The following TNS3 variants were observed in gnomAD, a reference collection of about 807,000 sequenced individuals.
TNS3 encodes the protein tensin 3, also known as tensin-3.
A neutral mutation model predicts 140.9 loss-of-function variants in TNS3; 45 were observed. That is an observed-to-expected ratio of 0.32 (90% CI 0.25 to 0.41). The LOEUF is 0.41. Ranked by LOEUF, TNS3 falls within the 10% of genes least tolerant of loss-of-function variation. TNS3 has a pLI of 1.00. For synonymous variants in TNS3, 815 were observed against 788.4 expected (o/e 1.03, Z -0.56); for missense variants, 1,716 against 1,906.7 (o/e 0.90, Z 1.86).
At chr7:47,528,071 C>T (rs908548229) in intron 2 of TNS3, among the ~76,000 whole-genome samples, 7 of 152,146 alleles carry the variant, frequency 4.6e-5, no homozygotes, top group Admixed American at 2.0e-4. Context: ...GTACCCACCA[C>T]TCATCCAACA....
At chr7:47,465,429 C>T (rs755526482) in intron 4 of TNS3, among the ~76,000 whole-genome samples, 1 of 152,186 alleles carries the variant, frequency 6.6e-6, no homozygotes, top group South Asian at 2.1e-4. Context: ...TGTGCCTAAA[C>T]ACATCATCTG....
chr7:47,377,417 A>C (rs1791461554), intron 16 of TNS3, among the ~76,000 whole-genome samples: 1 of 152,154 alleles, frequency 6.6e-6, no homozygotes, highest in Admixed American at 6.5e-5. Context: ...GTGTCTGGAC[A>C]CAAATGGGTG....
At chr7:47,494,933 T>A (rs1418145971) in intron 3 of TNS3, among the ~76,000 whole-genome samples, 1 of 151,852 alleles carries the variant, frequency 6.6e-6, no homozygotes, top group African/African-American at 2.4e-5. Flanking sequence ...TCGTTATGGG[T>A]TTTGGCCCCG....
At chr7:47,437,496 C>A (rs1795243036) in intron 6 of TNS3, among the ~76,000 whole-genome samples, 183 bp from the exon 7 acceptor site, 1 of 151,516 alleles carries the variant, frequency 6.6e-6, no homozygotes, top group Non-Finnish European at 1.5e-5. Context: ...GAGATGAAAG[C>A]AGAAAACACA....
In TNS3 at chr7:47,283,884, G is replaced by A. The variant is rs201488668; in HGVS notation, c.3929-19C>T. 6.4e-7 allele frequency: 1 copy of A among 1,555,790 alleles called. No individual in the cohort carries two copies. Among genetic ancestry groups the A allele is most frequent in the Non-Finnish European group, 8.7e-7 (1 of 1,152,648 alleles). On this transcript the variant is annotated intron_variant, in intron 27 of 30. Coordinates refer to ENST00000311160, the MANE Select transcript of TNS3 (RefSeq NM_022748.12). ...TTGCAGGCTGGAAGACACCAAGGGA[G>A]ACACATGTTAGTTGCAACTATTGGG...
intron 23 of TNS3, among the ~76,000 whole-genome samples, chr7:47,301,811 C>T (rs752405452): frequency 6.6e-6 from 1 of 152,162 alleles, no homozygotes; most frequent in Non-Finnish European, 1.5e-5. Flanking sequence ...TGCTTCCTCA[C>T]CCTGTCCTCT....
chr7:47,578,528 A>G (rs1281332878), intron 1 of TNS3, among the ~76,000 whole-genome samples: 4 of 147,592 alleles, frequency 2.7e-5, no homozygotes, highest in Non-Finnish European at 6.0e-5. Flanking sequence ...GATACCAGGT[A>G]GAGCTGCGCC....
chr7:47,280,212 CAG>C (rs1785067339), intron 29 of TNS3, 22 bp from the exon 30 acceptor site: 1 of 1,614,114 alleles, frequency 6.2e-7, no homozygotes, highest in East Asian at 2.2e-5. Context: ...AAGAGAAAAA[CAG>C]AGGTTAATTT....
intron 27 of TNS3, among the ~76,000 whole-genome samples, chr7:47,286,902 C>A (rs1785448638): frequency 6.6e-6 from 1 of 152,050 alleles, no homozygotes; most frequent in African/African-American, 2.4e-5. Flanking sequence ...GGCAGCATGA[C>A]CCCAAGTACA....
chr7:47,373,174 G>A (rs1240751543), intron 16 of TNS3, among the ~76,000 whole-genome samples: 5 of 152,274 alleles, frequency 3.3e-5, no homozygotes, highest in East Asian at 1.9e-4. Flanking sequence ...AACTTCAGTC[G>A]GACAAAGGAG....
At chr7:47,327,263 G>A (rs1057070587) in intron 20 of TNS3, among the ~76,000 whole-genome samples, 2 of 152,214 alleles carry the variant, frequency 1.3e-5, no homozygotes, top group Non-Finnish European at 2.9e-5. Context: ...TGAATGCATG[G>A]GTTTTTGTTT....
intron 1 of TNS3, among the ~76,000 whole-genome samples, chr7:47,567,425 C>T (rs533766318): frequency 2.0e-5 from 3 of 152,152 alleles, no homozygotes; most frequent in Admixed American, 2.0e-4. Context: ...TGGCTCACAC[C>T]TGTAATCCCA....
At chr7:47,432,319 C>T (rs1794965139) in intron 8 of TNS3, among the ~76,000 whole-genome samples, 1 of 152,148 alleles carries the variant, frequency 6.6e-6, no homozygotes, top group East Asian at 1.9e-4. Context: ...GGAAGAGAGA[C>T]CTGAGCTAGC....
intron 1 of TNS3, among the ~76,000 whole-genome samples, chr7:47,580,451 C>T (rs535095790): frequency 6.5e-4 from 99 of 152,292 alleles, no homozygotes; most frequent in African/African-American, 2.0e-3. Flanking sequence ...ATTACTATTC[C>T]TAAGGTCAGG....
chr7:47,358,146 CTT>C (rs201814404), intron 17 of TNS3, among the ~76,000 whole-genome samples: 1 of 147,884 alleles, frequency 6.8e-6, no homozygotes. Flanking sequence ...AACACTTCAT[CTT>C]TTTTTTTTTG....
At chr7:47,498,552 G>A (rs1349330108) in intron 3 of TNS3, among the ~76,000 whole-genome samples, 1 of 152,218 alleles carries the variant, frequency 6.6e-6, no homozygotes, top group Non-Finnish European at 1.5e-5. Flanking sequence ...TGATGATTCA[G>A]AGAAAACACA....
chr7:47,499,723 C>T (rs1340419295), intron 3 of TNS3, among the ~76,000 whole-genome samples: 9 of 152,100 alleles, frequency 5.9e-5, no homozygotes, highest in South Asian at 2.1e-4. Context: ...GAGAGAAGCG[C>T]GGCACAGAGG....
chr7:47,492,249 A>G (rs1174589202), intron 3 of TNS3, among the ~76,000 whole-genome samples: 3 of 152,156 alleles, frequency 2.0e-5, no homozygotes, highest in African/African-American at 7.2e-5. Flanking sequence ...GCCCCTCACC[A>G]CAGCTCTCTG....
intron 20 of TNS3, among the ~76,000 whole-genome samples, chr7:47,313,198 A>G (rs1787205659): frequency 6.6e-6 from 1 of 152,196 alleles, no homozygotes; most frequent in Admixed American, 6.5e-5. Flanking sequence ...GGTGGCATGC[A>G]TTCTGACAAA....
Sources: gnomAD v4.1 joint callset for allele counts (sites outside exome capture counted in the v4.1 genomes callset) on GRCh38, gnomAD v4.1.1 for gene constraint, MANE v1.5 for transcripts, NCBI Gene and HGNC (gene_info 2026-07-23, HGNC 2026-07-21) for gene names.